OSBPL9: variants seen among roughly 807,000 people sequenced by gnomAD.
OSBPL9 encodes oxysterol binding protein like 9.
In OSBPL9, 40 loss-of-function variants were observed where a neutral mutation model predicts 106.6. The observed-to-expected ratio is 0.38, with a 90% CI of 0.29 to 0.49. The LOEUF (loss-of-function observed/expected upper bound fraction) is 0.49. Ranked by LOEUF, OSBPL9 falls within the 20% of genes least tolerant of loss-of-function variation. The pLI is 0.97. For missense variants in OSBPL9, 609 were observed against 887.2 expected (o/e 0.69, Z 3.98); for synonymous variants, 269 against 295.4 (o/e 0.91, Z 0.92).
intron 1 of OSBPL9, among the ~76,000 whole-genome samples, chr1:51,620,038 C>G (rs1366056906): frequency 6.6e-6 from 1 of 152,266 alleles, no homozygotes; most frequent in African/African-American, 2.4e-5. Context: ...GTTGGCTTTA[C>G]TGAGAATTGT....
rs58651352 is a variant in OSBPL9, at chr1:51,585,863, GT to G, written c.-423+8619del. Among the ~76,000 whole-genome samples the G allele has an allele frequency of 5.9e-3, 870 of 146,440 alleles. 3 individuals are homozygous for G. Among genetic ancestry groups the G allele is most frequent in the African/African-American group, 0.019 (781 of 40,330 alleles). ...CAAACAGTTCTCTTAATTTTTAATA[GT>G]TTTTTTTTTTTAATTAAAAGGGTAA... On this transcript the variant is annotated intron_variant, in intron 1 of 25. Transcript: ENST00000371714.
chr1:51,763,332 A>C (rs1671916491), intron 11 of OSBPL9, among the ~76,000 whole-genome samples: 1 of 152,088 alleles, frequency 6.6e-6, no homozygotes, highest in Non-Finnish European at 1.5e-5. Flanking sequence ...GTTTAGGCTT[A>C]GGGTCTTTAT....
the OSBPL9 span, among the ~76,000 whole-genome samples, chr1:51,522,370 C>T: frequency 6.6e-6 from 1 of 152,124 alleles, no homozygotes; most frequent in African/African-American, 2.4e-5. Context: ...TTTGTAGTGG[C>T]TTCTTTCTTC....
At chr1:51,633,912 G>C (rs139269258) in intron 1 of OSBPL9, among the ~76,000 whole-genome samples, 1 of 152,098 alleles carries the variant, frequency 6.6e-6, no homozygotes, top group African/African-American at 2.4e-5. Context: ...GGTGTAAGCC[G>C]CCTTACCTGG....
the OSBPL9 span, among the ~76,000 whole-genome samples, chr1:51,571,405 C>A: frequency 4.6e-5 from 7 of 152,270 alleles, no homozygotes; most frequent in South Asian, 1.5e-3. Context: ...GTGGTTCATG[C>A]CTCTAATCCC....
chr1:51,618,087 G>A (rs1048008734), intron 1 of OSBPL9, among the ~76,000 whole-genome samples: 3 of 151,482 alleles, frequency 2.0e-5, no homozygotes, highest in Non-Finnish European at 2.9e-5. Flanking sequence ...GCATCATCTC[G>A]GCTCACTGCA....
intron 2 of OSBPL9, among the ~76,000 whole-genome samples, chr1:51,605,329 A>G (rs1643937722): frequency 6.6e-6 from 1 of 152,166 alleles, no homozygotes; most frequent in Non-Finnish European, 1.5e-5. Context: ...AGTGGCTCAC[A>G]CCTGCAATCC....
At chr1:51,770,214 T>C (rs184386324) in intron 12 of OSBPL9, among the ~76,000 whole-genome samples, 1 of 151,754 alleles carries the variant, frequency 6.6e-6, no homozygotes, top group East Asian at 1.9e-4. Flanking sequence ...CGATGTCGGC[T>C]TATTGCAACC....
intron 1 of OSBPL9, among the ~76,000 whole-genome samples, chr1:51,577,800 G>A (rs890614081): frequency 2.0e-5 from 3 of 152,154 alleles, no homozygotes; most frequent in Non-Finnish European, 4.4e-5. Context: ...TCAAAAGATA[G>A]AGAAACAGAA....
chr1:51,676,308 T>C (rs1277290078), intron 3 of OSBPL9, among the ~76,000 whole-genome samples: 1 of 151,848 alleles, frequency 6.6e-6, no homozygotes, highest in Non-Finnish European at 1.5e-5. Context: ...GTGCGTGCTG[T>C]AGTCGCAGCT....
the OSBPL9 span, among the ~76,000 whole-genome samples, chr1:51,568,588 T>G: frequency 2.0e-5 from 3 of 152,204 alleles, no homozygotes; most frequent in Admixed American, 1.3e-4. Flanking sequence ...AGAGTCTCAC[T>G]CTGTCACCCA....
At chr1:51,524,613 A>G in the OSBPL9 span, among the ~76,000 whole-genome samples, 2 of 152,328 alleles carry the variant, frequency 1.3e-5, no homozygotes, top group African/African-American at 4.8e-5. Context: ...AATATTTTTA[A>G]AGGTTTTCAG....
At chr1:51,706,455 T>C (rs1026092335) in intron 3 of OSBPL9, among the ~76,000 whole-genome samples, 4 of 152,094 alleles carry the variant, frequency 2.6e-5, no homozygotes, top group African/African-American at 9.7e-5. Flanking sequence ...TGTGCCATCA[T>C]GTTTGTGTTG....
chr1:51,696,577 G>A (rs1393717211), intron 3 of OSBPL9, among the ~76,000 whole-genome samples: 2 of 152,116 alleles, frequency 1.3e-5, no homozygotes, highest in African/African-American at 2.4e-5. Context: ...TTATGCCTCC[G>A]TAATATATAA....
the OSBPL9 span, among the ~76,000 whole-genome samples, chr1:51,554,780 GA>G: frequency 6.6e-6 from 1 of 152,212 alleles, no homozygotes; most frequent in Non-Finnish European, 1.5e-5. Context: ...TCATTTGTAA[GA>G]AGGAAATTGT....
chr1:51,721,649 C>T (rs1313032437), intron 4 of OSBPL9, among the ~76,000 whole-genome samples: 1 of 152,170 alleles, frequency 6.6e-6, no homozygotes, highest in East Asian at 1.9e-4. Flanking sequence ...TGAAGATTAG[C>T]TTTTTGAGCA....
intron 14 of OSBPL9, among the ~76,000 whole-genome samples, chr1:51,773,941 CGTTGTTGTTGTTGTTGTTGTT>C (rs3835387): frequency 6.8e-4 from 102 of 149,086 alleles, no homozygotes; most frequent in Non-Finnish European, 1.1e-3. Flanking sequence ...CAGCTGCTGG[CGTTGTTGTTGTTGTTGTTGTT>C]GTTGTTGTTG....
At chr1:51,683,460 A>G (rs532836325) in intron 3 of OSBPL9, among the ~76,000 whole-genome samples, 59 of 151,340 alleles carry the variant, frequency 3.9e-4, no homozygotes, top group African/African-American at 1.3e-3. Flanking sequence ...CATTACAGGC[A>G]TGAGCCACTG....
At chr1:51,679,744 G>T (rs1214434269) in intron 3 of OSBPL9, among the ~76,000 whole-genome samples, 1 of 152,170 alleles carries the variant, frequency 6.6e-6, no homozygotes, top group East Asian at 1.9e-4. Context: ...CAGATTTACT[G>T]TTGCAGTGTA....
Sources: allele counts gnomAD v4.1 joint callset (sites outside exome capture counted in the v4.1 genomes callset), GRCh38; gene constraint gnomAD v4.1.1; transcripts MANE v1.5; gene names NCBI Gene and HGNC (gene_info 2026-07-23, HGNC 2026-07-21).